Variants in STK32C observed in about 807,000 individuals in gnomAD.
STK32C encodes the protein serine/threonine-protein kinase 32C.
In STK32C, 31 loss-of-function variants were observed where a neutral mutation model predicts 56.5. The observed-to-expected ratio is 0.55, with a 90% confidence interval of 0.41 to 0.74. The LOEUF (loss-of-function observed/expected upper bound fraction) is 0.74. Among genes scored for constraint, STK32C ranks in the 30% least tolerant of loss-of-function variants. STK32C has a pLI of 0.00. For synonymous variants in STK32C, 309 were observed against 289.4 expected (o/e 1.07, Z -0.69); for missense variants, 544 against 676.9 (o/e 0.80, Z 2.18).
At chr10:132,305,682 C>G (rs546110082) in intron 1 of STK32C, among the ~76,000 whole-genome samples, 34 of 152,318 alleles carry the variant, frequency 2.2e-4, no homozygotes, top group African/African-American at 6.3e-4. Flanking sequence ...GAGTCCCCGG[C>G]ATCCACACTC....
chr10:132,240,660 C>A (rs1348100010), intron 2 of STK32C, among the ~76,000 whole-genome samples: 1 of 152,154 alleles, frequency 6.6e-6, no homozygotes, highest in Non-Finnish European at 1.5e-5. Flanking sequence ...TATTTCCCCA[C>A]AGCCTGGGAA....
At chr10:132,265,097 A>G (rs1001581623) in intron 1 of STK32C, among the ~76,000 whole-genome samples, 1 of 143,440 alleles carries the variant, frequency 7.0e-6, no homozygotes, top group Non-Finnish European at 1.6e-5. Flanking sequence ...GGGGTGCCTC[A>G]AGGGCGGTGA....
In STK32C at chr10:132,207,789, G is replaced by T. The variant is rs951929019; in HGVS notation, c.*221C>A. ...CGCTTCCTCCATCTAGGCGGGTCTC[G>T]GGGGCCCACGGGAAATGCCCTCCAC... is the stretch of plus-strand genomic sequence containing the variant. On this transcript the variant is annotated 3_prime_UTR_variant, in exon 12 of 12. Coordinates refer to ENST00000298630, the MANE Select transcript of STK32C (RefSeq NM_173575.4). 2.0e-6 allele frequency: 1 copy of T among 505,696 alleles called. No homozygotes were observed. Among genetic ancestry groups the T allele is most frequent in the Non-Finnish European group, 3.1e-6 (1 of 327,790 alleles). 31.3% of individuals were successfully genotyped at this position (505,696 alleles called of 1,614,324 possible).
intron 1 of STK32C, among the ~76,000 whole-genome samples, chr10:132,306,483 C>T (rs2066065760): frequency 6.6e-6 from 1 of 152,272 alleles, no homozygotes; most frequent in Non-Finnish European, 1.5e-5. Context: ...AGGCAGCACA[C>T]CATGAATCCC....
At chr10:132,270,764 T>C (rs1242018780) in intron 1 of STK32C, among the ~76,000 whole-genome samples, 1 of 152,128 alleles carries the variant, frequency 6.6e-6, no homozygotes, top group Non-Finnish European at 1.5e-5. Context: ...CAGCGAGCCC[T>C]GCACATCACC....
chr10:132,273,305 G>C (rs927089893), intron 1 of STK32C, among the ~76,000 whole-genome samples: 1 of 151,984 alleles, frequency 6.6e-6, no homozygotes, highest in Non-Finnish European at 1.5e-5. Context: ...TCCTGTGAAC[G>C]GGCTCTAAGT....
chr10:132,254,064 C>T (rs1238399733), intron 1 of STK32C, among the ~76,000 whole-genome samples: 1 of 152,206 alleles, frequency 6.6e-6, no homozygotes. Context: ...AATCCCAGCA[C>T]TTAGGGAGGC....
rs540091260 is a variant in STK32C at position 132,280,440 on chromosome 10, T to C, written c.262+27132A>G. 4.8e-4 allele frequency among the ~76,000 whole-genome samples: 63 copies of C among 131,586 alleles called. No homozygotes were observed. The South Asian group carries it at 0.012, about 26-fold the overall frequency. The allele number at this position is 131,586 out of a possible 152,430, so 86.3% of individuals were successfully genotyped here. Reference sequence around the variant, plus strand: ...CTGATCACACCACTGCACTCCGTGATCACGCCACTGCACCCCATGATCACG... The same window carrying C: ...CTGATCACACCACTGCACTCCGTGACCACGCCACTGCACCCCATGATCACG... On this transcript the variant is annotated intron_variant, in intron 1 of 11. Transcript: ENST00000298630.
chr10:132,266,774 G>A (rs1052323301), intron 1 of STK32C, among the ~76,000 whole-genome samples: 5 of 151,844 alleles, frequency 3.3e-5, no homozygotes, highest in African/African-American at 4.8e-5. Flanking sequence ...AAATGCTCTC[G>A]GGGAGGAGGG....
chr10:132,330,325 C>T (rs1314526422), intron 1 of STK32C: 4 of 655,368 alleles, frequency 6.1e-6, no homozygotes, highest in South Asian at 3.2e-5. Flanking sequence ...AAAAGAGATA[C>T]TGGAATGCTG....
At chr10:132,277,843 C>A (rs2138201083) in intron 1 of STK32C, among the ~76,000 whole-genome samples, 1 of 152,248 alleles carries the variant, frequency 6.6e-6, no homozygotes, top group South Asian at 2.1e-4. Flanking sequence ...CGGGGCCCGA[C>A]ACACCCTCCC....
At chr10:132,215,115 C>T (rs1489352862) in intron 10 of STK32C, among the ~76,000 whole-genome samples, 1 of 152,152 alleles carries the variant, frequency 6.6e-6, no homozygotes, top group Non-Finnish European at 1.5e-5. Context: ...AACTCCTGGG[C>T]TCAAGCAATC....
intron 1 of STK32C, among the ~76,000 whole-genome samples, chr10:132,256,913 A>G (rs1411797520): frequency 1.3e-5 from 2 of 152,154 alleles, no homozygotes; most frequent in Non-Finnish European, 2.9e-5. Flanking sequence ...ACCCTGAGGC[A>G]GGTGTGCCTA....
chr10:132,222,592 GCC>G, intron 10 of STK32C, 47 bp downstream of exon 10: 1 of 1,597,606 alleles, frequency 6.3e-7, no homozygotes. Context: ...GTAGAGAGGA[GCC>G]CCAAGCCCAG....
chr10:132,217,825 T>TC (rs1258008832), intron 10 of STK32C, among the ~76,000 whole-genome samples: 3 of 152,152 alleles, frequency 2.0e-5, no homozygotes, highest in Non-Finnish European at 4.4e-5. Flanking sequence ...CTGTGAGGCC[T>TC]CCCCAGCCAT....
intron 1 of STK32C, among the ~76,000 whole-genome samples, chr10:132,330,672 ATTTTTT>A (rs57850207): frequency 1.6e-5 from 2 of 126,944 alleles, no homozygotes; most frequent in Non-Finnish European, 1.6e-5. Context: ...CACACCCAGC[ATTTTTT>A]TTTTTTTTTT....
intron 10 of STK32C, among the ~76,000 whole-genome samples, chr10:132,216,737 G>A (rs1340881385): frequency 6.6e-6 from 1 of 152,218 alleles, no homozygotes; most frequent in East Asian, 1.9e-4. Context: ...ATGACTGAAA[G>A]GGGCCAAGGT....
At chr10:132,264,527 G>A (rs1365154467) in intron 1 of STK32C, among the ~76,000 whole-genome samples, 2 of 152,234 alleles carry the variant, frequency 1.3e-5, no homozygotes, top group African/African-American at 4.8e-5. Flanking sequence ...GGACAGAGGG[G>A]ATGGTGAAAG....
At chr10:132,227,624 T>TGGTGAC (rs2062940228) in intron 3 of STK32C, among the ~76,000 whole-genome samples, 2 of 151,514 alleles carry the variant, frequency 1.3e-5, no homozygotes, top group African/African-American at 2.4e-5. Flanking sequence ...ATGGTGGTGA[T>TGGTGAC]GGTGATGGTG....
Sources: gnomAD v4.1 joint callset for allele counts (sites outside exome capture counted in the v4.1 genomes callset) on GRCh38, gnomAD v4.1.1 for gene constraint, MANE v1.5 for transcripts, NCBI Gene and HGNC (gene_info 2026-07-23, HGNC 2026-07-21) for gene names.